Variants in RHOJ observed in about 807,000 individuals in gnomAD.
RHOJ encodes ras homolog family member J, also known as rho-related GTP-binding protein RhoJ.
RHOJ carries 11 observed loss-of-function variants against 23.4 expected under a neutral mutation model. That is an observed-to-expected ratio of 0.47 (90% CI 0.30 to 0.78). RHOJ has a LOEUF of 0.78. Among genes scored for constraint, RHOJ ranks in the 30% least tolerant of loss-of-function variants. The probability of loss-of-function intolerance (pLI) is 0.08; values close to 1 mark genes in which losing one functional copy is unlikely to be tolerated. For synonymous variants in RHOJ, 102 were observed against 102.7 expected (o/e 0.99, Z 0.04); for missense variants, 254 against 273.4 (o/e 0.93, Z 0.50).
intron 1 of RHOJ, among the ~76,000 whole-genome samples, chr14:63,224,080 A>G (rs1014021557): frequency 6.6e-6 from 1 of 152,348 alleles, no homozygotes; most frequent in East Asian, 1.9e-4. Context: ...CACAAATTAT[A>G]TAATGCACAT....
At position 63,281,119 on chromosome 14, in the gene RHOJ, T is replaced by G; in HGVS notation, c.386T>G (p.Val129Gly). 1.4e-5 allele frequency: 23 copies of G among 1,611,624 alleles called. No individual in the cohort carries two copies. Among genetic ancestry groups the G allele is most frequent in the Non-Finnish European group, 2.0e-5 (23 of 1,179,248 alleles). Residue 129 changes from valine (V) to glycine (G), a missense_variant, in exon 3 of 5, where the codon GTC (valine) becomes GGC (glycine). Transcript: ENST00000316754. ...GACTGCATGCCTCACGTGCCTTATGTCCTCATAGGGACCCAGGTTAAAATG... is the reference window on the plus strand; with the variant it reads ...GACTGCATGCCTCACGTGCCTTATGGCCTCATAGGGACCCAGGTTAAAATG... The part of the protein sequence containing the change: ...LKDCMPHVPY[V>G]LIGTQIDLRD...
chr14:63,221,274 G>C lies in RHOJ; in HGVS notation c.178+16227G>C, dbSNP rs1894488285. Among the ~76,000 whole-genome samples the C allele has an allele frequency of 2.6e-5, 4 of 152,172 alleles. No homozygotes were observed. In the South Asian group the frequency reaches 8.3e-4, roughly 32 times the overall value. ...GACCCCAGGAGATCGAGGCTGCAAT[G>C]AGCCATGATCCAGCCACTGAACTGA... is the stretch of plus-strand genomic sequence containing the variant. On this transcript the variant is annotated intron_variant, in intron 1 of 4. Coordinates refer to ENST00000316754, the MANE Select transcript of RHOJ (RefSeq NM_020663.5).
rs189805212 is a variant in RHOJ, at chr14:63,240,237, C to A, written c.179-28873C>A. 3.3e-5 allele frequency among the ~76,000 whole-genome samples: 5 copies of A among 152,264 alleles called. No individual in the cohort carries two copies. The East Asian group carries it at 9.6e-4, about 29-fold the overall frequency. ...AAGAGTATGTAAATATACTTTCTTTCTGGAATAGCCTAAGTGTAGTTGTAT... is the reference window on the plus strand; with the variant it reads ...AAGAGTATGTAAATATACTTTCTTTATGGAATAGCCTAAGTGTAGTTGTAT... On this transcript the variant is annotated intron_variant, in intron 1 of 4. Coordinates refer to ENST00000316754, the MANE Select transcript of RHOJ (RefSeq NM_020663.5).
At chr14:63,286,140 C>A (rs926278942) in intron 4 of RHOJ, among the ~76,000 whole-genome samples, 7 of 152,126 alleles carry the variant, frequency 4.6e-5, no homozygotes, top group African/African-American at 1.7e-4. Flanking sequence ...TCTTTAATGC[C>A]CTCTTCCTGA....
At chr14:63,239,653 C>A (rs1470256238) in intron 1 of RHOJ, among the ~76,000 whole-genome samples, 1 of 152,228 alleles carries the variant, frequency 6.6e-6, no homozygotes, top group East Asian at 1.9e-4. Context: ...GCTGACTTGA[C>A]TGACCTACTG....
chr14:63,223,470 C>T (rs1366938605), intron 1 of RHOJ, among the ~76,000 whole-genome samples: 1 of 152,180 alleles, frequency 6.6e-6, no homozygotes, highest in Non-Finnish European at 1.5e-5. Context: ...TCTCTCATCC[C>T]CCTGTATCAG....
chr14:63,277,281 A>T (rs1284769758), intron 2 of RHOJ, among the ~76,000 whole-genome samples: 1 of 152,212 alleles, frequency 6.6e-6, no homozygotes, highest in Non-Finnish European at 1.5e-5. Flanking sequence ...TGCAATGAGA[A>T]CATACATAAG....
chr14:63,272,645 G>T (rs1895492208), intron 2 of RHOJ, among the ~76,000 whole-genome samples: 1 of 152,216 alleles, frequency 6.6e-6, no homozygotes, highest in Non-Finnish European at 1.5e-5. Context: ...GAGGCACCTA[G>T]TCTGCCTCAG....
intron 1 of RHOJ, among the ~76,000 whole-genome samples, chr14:63,254,940 T>C (rs1408282572): frequency 6.6e-6 from 1 of 152,084 alleles, no homozygotes; most frequent in Non-Finnish European, 1.5e-5. Context: ...TCTACTGAAA[T>C]ATTGGACTGA....
At chr14:63,212,802 C>T (rs907243422) in intron 1 of RHOJ, among the ~76,000 whole-genome samples, 1 of 152,204 alleles carries the variant, frequency 6.6e-6, no homozygotes, top group Non-Finnish European at 1.5e-5. Flanking sequence ...TAACACCTTG[C>T]TAAATATGTA....
rs1332465872 is a variant in RHOJ, at chr14:63,281,152, T to A, written c.402+17T>A. On this transcript the variant is annotated intron_variant, in intron 3 of 4. Transcript: ENST00000316754. ...GGGACCCAGGTTAAAATGTGGGCGA[T>A]GGCAGGGTGGAGCGGGCTGCAAAAA... The A allele has an allele frequency of 6.3e-7, 1 of 1,592,696 alleles. No individual in the cohort carries two copies. The highest frequency in any genetic ancestry group is 1.3e-5 in the African/African-American group (1 of 74,130).
chr14:63,244,038 C>T (rs993323395), intron 1 of RHOJ, among the ~76,000 whole-genome samples: 6 of 152,126 alleles, frequency 3.9e-5, no homozygotes, highest in East Asian at 3.9e-4. Context: ...AGAACATGTA[C>T]GACATTCATT....
intron 1 of RHOJ, among the ~76,000 whole-genome samples, chr14:63,259,022 C>A (rs1233380780): frequency 6.6e-6 from 1 of 152,148 alleles, no homozygotes; most frequent in Non-Finnish European, 1.5e-5. Context: ...TCGCAGCAAC[C>A]TCCGCCTCCC....
chr14:63,283,348 A>G, intron 4 of RHOJ, 132 bp downstream of exon 4: 1 of 744,858 alleles, frequency 1.3e-6, no homozygotes, highest in East Asian at 2.7e-5. Flanking sequence ...TAAGCTTTCT[A>G]TTCTCCCCCT....
In RHOJ at chr14:63,291,096, C is replaced by A. The variant is rs748390794; in HGVS notation, c.*72C>A. Reference sequence around the variant, plus strand: ...GCCAATCTCTGTGGCCAAGCTCCAGCCAAAAAGGAGGGCACGACCAGAAAG... The same window carrying A: ...GCCAATCTCTGTGGCCAAGCTCCAGACAAAAAGGAGGGCACGACCAGAAAG... On this transcript the variant is annotated 3_prime_UTR_variant, in exon 5 of 5. Coordinates refer to ENST00000316754, the MANE Select transcript of RHOJ (RefSeq NM_020663.5). The A allele has an allele frequency of 9.6e-6, 15 of 1,569,794 alleles. No homozygotes were observed. Among genetic ancestry groups the A allele is most frequent in the Middle Eastern group, 1.7e-4 (1 of 5,968 alleles).
intron 2 of RHOJ, among the ~76,000 whole-genome samples, chr14:63,276,553 A>C (rs1439724139): frequency 2.0e-5 from 3 of 152,182 alleles, no homozygotes; most frequent in South Asian, 2.1e-4. Context: ...AGTGCTACGC[A>C]TTCAGTAGGC....
At chr14:63,243,371 G>T (rs1415648467) in intron 1 of RHOJ, among the ~76,000 whole-genome samples, 1 of 151,988 alleles carries the variant, frequency 6.6e-6, no homozygotes, top group Non-Finnish European at 1.5e-5. Flanking sequence ...ATAGACTCTT[G>T]CTCTGTCACC....
chr14:63,222,011 C>T (rs548534014), intron 1 of RHOJ, among the ~76,000 whole-genome samples: 6 of 125,976 alleles, frequency 4.8e-5, no homozygotes, highest in African/African-American at 1.2e-4. Flanking sequence ...GTGTGATGTT[C>T]GCCTTCCTGT....
chr14:63,273,769 A>C (rs771202379), intron 2 of RHOJ, among the ~76,000 whole-genome samples: 30 of 152,236 alleles, frequency 2.0e-4, no homozygotes, highest in Non-Finnish European at 4.1e-4. Context: ...GGCATATCTC[A>C]GACACAACAC....
Sources: allele counts gnomAD v4.1 joint callset (sites outside exome capture counted in the v4.1 genomes callset), GRCh38; gene constraint gnomAD v4.1.1; transcripts MANE v1.5; gene names NCBI Gene and HGNC (gene_info 2026-07-23, HGNC 2026-07-21).